SYNPO2: variants seen among roughly 807,000 people sequenced by gnomAD.
SYNPO2 encodes synaptopodin-2.
In SYNPO2, 56 loss-of-function variants were observed where a neutral mutation model predicts 85.0. The observed-to-expected ratio is 0.66, with a 90% confidence interval of 0.53 to 0.82. The LOEUF is 0.82. Ranked by LOEUF, SYNPO2 falls within the 40% of genes least tolerant of loss-of-function variation. The pLI, the probability that SYNPO2 is intolerant of heterozygous loss-of-function variation, is 0.00. For synonymous variants in SYNPO2, 602 were observed against 591.1 expected, an observed-to-expected ratio of 1.02 and a Z score of -0.27; for missense variants, 1,575 against 1,534.2, an observed-to-expected ratio of 1.03 and a Z score of -0.44.
chr4:119,013,045 T>C (rs1682687692), intron 1 of SYNPO2, among the ~76,000 whole-genome samples: 1 of 152,164 alleles, frequency 6.6e-6, no homozygotes, highest in African/African-American at 2.4e-5. Context: ...CCTCTGGTGG[T>C]CTCTGAGATA....
chr4:119,049,633 T>G (rs562111399), intron 4 of SYNPO2, among the ~76,000 whole-genome samples: 1 of 152,372 alleles, frequency 6.6e-6, no homozygotes, highest in East Asian at 1.9e-4. Context: ...TTACACTTTC[T>G]TTTTGCATGT....
rs77451904 is a variant in SYNPO2, at chr4:118,911,017, T to C, written c.105+21876T>C. On this transcript the variant is annotated intron_variant, in intron 1 of 4. Transcript: ENST00000307142. ...TCCCAAGTGTATGTACTTTTCCCCATAGAAAATGGCGAGTCTCTTACAGAC... is the reference window on the plus strand; with the variant it reads ...TCCCAAGTGTATGTACTTTTCCCCACAGAAAATGGCGAGTCTCTTACAGAC... 6.4e-3 allele frequency among the ~76,000 whole-genome samples: 979 copies of C among 152,320 alleles called. 3 individuals are homozygous for C. The highest frequency in any genetic ancestry group is 0.02 in the South Asian group (98 of 4,832).
At chr4:118,869,348 G>A (rs1162961224) in intron 1 of SYNPO2, among the ~76,000 whole-genome samples, 2 of 152,078 alleles carry the variant, frequency 1.3e-5, no homozygotes, top group Non-Finnish European at 2.9e-5. Flanking sequence ...ACTGCACCCA[G>A]CCTAAGAAAA....
chr4:118,997,216 G>A (rs1736638639), intron 1 of SYNPO2, among the ~76,000 whole-genome samples: 1 of 129,154 alleles, frequency 7.7e-6, no homozygotes, highest in African/African-American at 2.9e-5. Context: ...CTCCAGCCTG[G>A]GCGACAGAGC....
chr4:118,990,614 T>C (rs1478140092), intron 1 of SYNPO2, among the ~76,000 whole-genome samples: 1 of 152,088 alleles, frequency 6.6e-6, no homozygotes, highest in Non-Finnish European at 1.5e-5. Context: ...TTTTTGTTTG[T>C]TTGTTTGTTT....
At chr4:119,045,415 C>A (rs1738843870) in intron 4 of SYNPO2, among the ~76,000 whole-genome samples, 2 of 152,132 alleles carry the variant, frequency 1.3e-5, no homozygotes, top group Non-Finnish European at 2.9e-5. Context: ...AACACCACTG[C>A]TCTCTAGCCG....
chr4:119,030,261 G>T lies in SYNPO2; in HGVS notation c.1486G>T (p.Ala496Ser). 2 of 1,614,026 alleles carry T rather than the reference G, an allele frequency of 1.2e-6. No individual in the cohort carries two copies. Among genetic ancestry groups the T allele is most frequent in the African/African-American group, 1.3e-5 (1 of 75,006 alleles). The part of the protein sequence containing the change: ...DTTGKGALMF[A>S]KRRERMDQIT... ...CACAGGCAAGGGAGCCCTCATGTTT[G>T]CCAAGAGGAGGGAGAGAATGGATCA... The change falls in exon 4 of 5, where the codon GCC becomes TCC. Residue 496 changes from alanine (A) to serine (S), a missense_variant. This residue lies in a region of SYNPO2 where 1,508 missense variants were observed against 1,446.8 expected (regional missense o/e 1.04). Transcript: ENST00000307142.
intron 1 of SYNPO2, among the ~76,000 whole-genome samples, chr4:118,870,448 T>C (rs1302056664): frequency 6.6e-6 from 1 of 152,238 alleles, no homozygotes; most frequent in African/African-American, 2.4e-5. Context: ...CTGATGGGCA[T>C]TTGGGTTGTT....
intron 1 of SYNPO2, among the ~76,000 whole-genome samples, chr4:118,939,995 GT>G (rs11334684): frequency 0.61 from 69,926 of 114,280 alleles, 17,561 homozygotes; most frequent in Middle Eastern, 0.79. Flanking sequence ...TTTTTTTTTT[GT>G]TTTTTTTTGA....
chr4:118,871,659 T>C (rs4446292), intron 1 of SYNPO2, among the ~76,000 whole-genome samples: 130,633 of 151,432 alleles, frequency 0.86, 56,506 homozygotes, highest in Middle Eastern at 0.94. Context: ...AGCTCCGCCT[T>C]CCGGGTTCAC....
At chr4:119,044,717 C>T (rs1340278799) in intron 4 of SYNPO2, among the ~76,000 whole-genome samples, 1 of 152,124 alleles carries the variant, frequency 6.6e-6, no homozygotes, top group African/African-American at 2.4e-5. Flanking sequence ...GTAAATCTTA[C>T]ATTTCTCAAA....
rs150054203 is a variant in SYNPO2 at position 119,030,657 on chromosome 4, C to T, written c.1882C>T (p.Pro628Ser). 2 of 1,614,060 alleles carry T rather than the reference C, an allele frequency of 1.2e-6. No homozygotes were observed. The highest frequency in any genetic ancestry group is 2.7e-5 in the African/African-American group (2 of 74,922). ...TCCACCTTACTCTGCAGTCACTCCT[C>T]CCCCTGACGCCTTCTCCAGAGGGGT... ...APPPYSAVTP[P>S]PDAFSRGVSS... Residue 628 changes from proline (P) to serine (S), a missense_variant, in exon 4 of 5, where the codon CCC becomes TCC. Physicochemically the swap from Pro to Ser is moderately conservative, Grantham distance 74. This residue lies in a region of SYNPO2 where 1,508 missense variants were observed against 1,446.8 expected (regional missense o/e 1.04). Transcript: ENST00000307142.
At chr4:118,993,401 C>T (rs960408981) in intron 1 of SYNPO2, among the ~76,000 whole-genome samples, 2 of 152,198 alleles carry the variant, frequency 1.3e-5, no homozygotes, top group Non-Finnish European at 2.9e-5. Flanking sequence ...AAACGTATCT[C>T]ATTTTACGAG....
At chr4:118,986,183 C>T (rs978978018) in intron 1 of SYNPO2, among the ~76,000 whole-genome samples, 2 of 152,192 alleles carry the variant, frequency 1.3e-5, no homozygotes, top group African/African-American at 4.8e-5. Context: ...TAAACCCACC[C>T]TATGGTCCCC....
intron 4 of SYNPO2, chr4:119,043,159 T>A (rs1738768589): frequency 6.6e-6 from 1 of 152,340 alleles, no homozygotes; most frequent in Non-Finnish European, 1.5e-5. Context: ...CTCGGCTTAC[T>A]GCCATGTTTT....
chr4:118,891,910 A>C (rs897017892), intron 1 of SYNPO2, among the ~76,000 whole-genome samples: 3 of 152,246 alleles, frequency 2.0e-5, no homozygotes, highest in African/African-American at 7.2e-5. Flanking sequence ...GCTACAAAGC[A>C]GTTCTGTAGA....
chr4:118,935,455 T>C lies in SYNPO2; in HGVS notation c.105+46314T>C, dbSNP rs6834556. On this transcript the variant is annotated intron_variant, in intron 1 of 4. Transcript: ENST00000307142. The stretch of plus-strand genomic sequence containing the variant: ...TTTAAATTTTTATAAATTATCAGTA[T>C]TTAAATCAATGTATACATAATAATA... Among the ~76,000 whole-genome samples the C allele has an allele frequency of 3.8e-3, 586 of 152,378 alleles. 3 individuals are homozygous for C. Among genetic ancestry groups the C allele is most frequent in the African/African-American group, 0.013 (558 of 41,596 alleles).
At chr4:118,987,310 A>C (rs1027873437) in intron 1 of SYNPO2, among the ~76,000 whole-genome samples, 1 of 152,188 alleles carries the variant, frequency 6.6e-6, no homozygotes, top group African/African-American at 2.4e-5. Context: ...ATTCTTTAGA[A>C]TTTCACTTTG....
In SYNPO2 at chr4:119,027,288, T is replaced by G. The variant is rs764653678; in HGVS notation, c.919T>G (p.Cys307Gly). ...GTGCAGGCTTCAGGCAGGAAAGGAGTGTGTGGATTCTCCAGTGGAAGGAGG... is the reference window on the plus strand; with the variant it reads ...GTGCAGGCTTCAGGCAGGAAAGGAGGGTGTGGATTCTCCAGTGGAAGGAGG... ...EGCRLQAGKE[C>G]VDSPVEGGQS... Residue 307 changes from cysteine (C) to glycine (G), a missense_variant, in exon 3 of 5, where the codon TGT (cysteine) becomes GGT (glycine). Around this residue, in one of 3 missense-constraint regions of SYNPO2, gnomAD observed 1,508 missense variants for 1,446.8 expected, o/e 1.04. Coordinates refer to ENST00000307142, the MANE Select transcript of SYNPO2 (RefSeq NM_133477.3). 3.1e-6 allele frequency: 5 copies of G among 1,613,720 alleles called. No homozygotes were observed. The African/African-American group carries it at 6.7e-5, about 22-fold the overall frequency.
Sources: gnomAD v4.1 joint callset for allele counts (sites outside exome capture counted in the v4.1 genomes callset) on GRCh38, gnomAD v4.1.1 for gene constraint, gnomAD v4.1.1 regional missense constraint, MANE v1.5 for transcripts, NCBI Gene and HGNC (gene_info 2026-07-23, HGNC 2026-07-21) for gene names.